NSRP1: variants seen among roughly 807,000 people sequenced by gnomAD.
NSRP1 encodes nuclear speckle splicing regulatory protein 1.
Under a neutral mutation model 54.7 loss-of-function variants are expected in NSRP1, and 24 were observed. The observed-to-expected ratio is 0.44, with a 90% CI of 0.32 to 0.62. NSRP1 has a LOEUF of 0.62. Among genes scored for constraint, NSRP1 ranks in the 20% least tolerant of loss-of-function variants. The probability of loss-of-function intolerance (pLI) is 0.06; values close to 1 mark genes in which losing one functional copy is unlikely to be tolerated. For missense variants in NSRP1, 596 were observed against 651.2 expected, an observed-to-expected ratio of 0.92 and a Z score of 0.92; for synonymous variants, 210 against 213.8, an observed-to-expected ratio of 0.98 and a Z score of 0.15.
chr17:30,134,567 G>A (rs2151883135), intron 2 of NSRP1, among the ~76,000 whole-genome samples: 1 of 152,246 alleles, frequency 6.6e-6, no homozygotes, highest in East Asian at 1.9e-4. Context: ...AAGCAGCTAA[G>A]GAAAAATGAG....
chr17:30,132,533 G>A (rs1012193410), intron 2 of NSRP1, among the ~76,000 whole-genome samples: 2 of 152,312 alleles, frequency 1.3e-5, no homozygotes, highest in African/African-American at 4.8e-5. Flanking sequence ...CAGCTTGGGC[G>A]ACAGAGCGAG....
rs1157426273 is a variant in NSRP1, at chr17:30,186,259, T to G, written c.*585T>G. ...CAACCTGGGCAACAGAATGAGACCC[T>G]GTCTCTAAAAAATTTTTTTTAAATA... is the stretch of plus-strand genomic sequence containing the variant. On this transcript the variant is annotated 3_prime_UTR_variant, in exon 7 of 7. Transcript: ENST00000247026. The G allele has an allele frequency of 6.6e-6, 1 of 152,250 alleles. No individual in the cohort carries two copies. The highest frequency in any genetic ancestry group is 1.9e-4 in the East Asian group (1 of 5,204). The allele number at this position is 152,250 out of a possible 1,614,324, so 9.4% of individuals were successfully genotyped here.
At chr17:30,171,966 ACACACACTCCCTCT>A (rs1390197350) in intron 2 of NSRP1, among the ~76,000 whole-genome samples, 1 of 129,280 alleles carries the variant, frequency 7.7e-6, no homozygotes, top group African/African-American at 2.9e-5. Context: ...ACACACACAC[ACACACACTCCCTCT>A]CTCTCTCTCT....
At chr17:30,163,696 T>TC (rs1464409929) in intron 2 of NSRP1, among the ~76,000 whole-genome samples, 3 of 148,370 alleles carry the variant, frequency 2.0e-5, no homozygotes, top group Admixed American at 1.3e-4. Flanking sequence ...TTTTTTTTTT[T>TC]TTTTTGAGAT....
At chr17:30,145,824 T>G (rs944658454) in intron 2 of NSRP1, among the ~76,000 whole-genome samples, 2 of 152,190 alleles carry the variant, frequency 1.3e-5, no homozygotes, top group Non-Finnish European at 2.9e-5. Flanking sequence ...CTTTCCTGTT[T>G]TATTTTTATA....
At chr17:30,129,371 A>G (rs2071679868) in intron 2 of NSRP1, among the ~76,000 whole-genome samples, 1 of 151,752 alleles carries the variant, frequency 6.6e-6, no homozygotes, top group African/African-American at 2.4e-5. Flanking sequence ...TCAAAATCAT[A>G]TTATTATTTT....
At chr17:30,154,094 A>G (rs1195111054) in intron 2 of NSRP1, among the ~76,000 whole-genome samples, 1 of 150,692 alleles carries the variant, frequency 6.6e-6, no homozygotes, top group East Asian at 2.0e-4. Flanking sequence ...AGGCAGGAGG[A>G]TTGCTTAAAC....
At chr17:30,138,812 A>T (rs1269097262) in intron 2 of NSRP1, among the ~76,000 whole-genome samples, 2 of 150,020 alleles carry the variant, frequency 1.3e-5, no homozygotes, top group African/African-American at 4.9e-5. Flanking sequence ...CAAAAGTTCC[A>T]ATTTCTCTAC....
At chr17:30,156,001 G>A (rs1042427054) in intron 2 of NSRP1, among the ~76,000 whole-genome samples, 18 of 151,428 alleles carry the variant, frequency 1.2e-4, no homozygotes, top group Non-Finnish European at 7.4e-5. Context: ...CACCAAACCC[G>A]GCTAATTTTT....
intron 2 of NSRP1, chr17:30,163,189 T>A (rs1017671831): frequency 1.6e-5 from 2 of 121,560 alleles, no homozygotes; most frequent in African/African-American, 6.9e-5. Context: ...CCGGCTAATT[T>A]TGTGTGTGTG....
chr17:30,163,189 T>TTGTGTGTGTGTG lies in NSRP1; in HGVS notation c.115-9305_115-9294dup, dbSNP rs35702441. ...CATGTACCACCACATCCGGCTAATT[T>TTGTGTGTGTGTG]TGTGTGTGTGTGTGTGTGTGTGTGT... On this transcript the variant is annotated intron_variant, in intron 2 of 6. Transcript: ENST00000247026. The TTGTGTGTGTGTG allele has an allele frequency of 6.7e-4, 82 of 121,600 alleles. 1 individual carries two copies. The highest frequency in any genetic ancestry group is 1.3e-3 in the African/African-American group (39 of 29,226). The allele number at this position is 121,600 out of a possible 1,614,324, so 7.5% of individuals were successfully genotyped here. A position where few individuals can be genotyped will look rare whatever the true frequency, so the allele number is the denominator to read the frequency against.
chr17:30,183,785 G>T (rs1350080583), intron 6 of NSRP1, among the ~76,000 whole-genome samples: 2 of 152,122 alleles, frequency 1.3e-5, no homozygotes, highest in African/African-American at 4.8e-5. Context: ...TGTTGTGATA[G>T]GTGCCAAGGA....
chr17:30,118,151 A>G lies in NSRP1; in HGVS notation c.92A>G (p.Asn31Ser). ...PVLQKPSVFGNDSDDDDETSV... is the reference protein window; with the variant it reads ...PVLQKPSVFGSDSDDDDETSV... ...TTGCAAAAACCATCAGTGTTTGGGA[A>G]TGATTCTGATGATGATGATGAGGTA... Residue 31 changes from asparagine to serine, a missense_variant, in exon 2 of 7, where the codon AAT becomes AGT. Transcript: ENST00000247026. The G allele has an allele frequency of 1.9e-6, 3 of 1,613,774 alleles. No individual in the cohort carries two copies. The highest frequency in any genetic ancestry group is 2.5e-6 in the Non-Finnish European group (3 of 1,179,734).
intron 2 of NSRP1, among the ~76,000 whole-genome samples, chr17:30,166,169 A>G (rs1015650142): frequency 5.9e-5 from 9 of 152,222 alleles, no homozygotes; most frequent in African/African-American, 1.9e-4. Context: ...GAAGAAATTA[A>G]CATACCTAGA....
intron 2 of NSRP1, among the ~76,000 whole-genome samples, chr17:30,139,776 G>A (rs2071786005): frequency 6.6e-6 from 1 of 152,204 alleles, no homozygotes; most frequent in South Asian, 2.1e-4. Flanking sequence ...TGTAATCCCA[G>A]CACTTTGGGA....
At chr17:30,164,047 G>A (rs1904641140) in intron 2 of NSRP1, among the ~76,000 whole-genome samples, 1 of 151,928 alleles carries the variant, frequency 6.6e-6, no homozygotes, top group South Asian at 2.1e-4. Flanking sequence ...GCGAAGTATT[G>A]TTTTATGTTA....
intron 3 of NSRP1, among the ~76,000 whole-genome samples, chr17:30,175,657 CG>C (rs1268893015): frequency 2.6e-5 from 4 of 152,000 alleles, no homozygotes; most frequent in Non-Finnish European, 5.9e-5. Flanking sequence ...CGCCCGTCTT[CG>C]CCCCCCAAAG....
At chr17:30,136,728 G>C (rs2071753935) in intron 2 of NSRP1, among the ~76,000 whole-genome samples, 7 of 152,126 alleles carry the variant, frequency 4.6e-5, no homozygotes, top group Admixed American at 4.6e-4. Flanking sequence ...GAAACAGGCA[G>C]AAAGTTTAAA....
At chr17:30,152,970 A>G (rs529907547) in intron 2 of NSRP1, among the ~76,000 whole-genome samples, 7 of 126,182 alleles carry the variant, frequency 5.5e-5, no homozygotes, top group African/African-American at 1.8e-4. Context: ...GTATAGTGGC[A>G]TGATCTCAGC....
Sources: gnomAD v4.1 joint callset for allele counts (sites outside exome capture counted in the v4.1 genomes callset) on GRCh38, gnomAD v4.1.1 for gene constraint, MANE v1.5 for transcripts, NCBI Gene and HGNC (gene_info 2026-07-23, HGNC 2026-07-21) for gene names.